YTHDC2: variants seen among roughly 807,000 people sequenced by gnomAD.
The protein encoded by YTHDC2 is 3'-5' RNA helicase YTHDC2.
Under a neutral mutation model 174.9 loss-of-function variants are expected in YTHDC2, and 45 were observed. That is an observed-to-expected ratio of 0.26 (90% CI 0.20 to 0.33). The LOEUF (loss-of-function observed/expected upper bound fraction) is 0.33. YTHDC2 is among the 10% of genes least tolerant of loss of function. The probability of loss-of-function intolerance (pLI) is 1.00; values close to 1 mark genes in which losing one functional copy is unlikely to be tolerated. For missense variants in YTHDC2, 1,650 were observed against 1,723.7 expected (o/e 0.96, Z 0.76); for synonymous variants, 657 against 574.5 (o/e 1.14, Z -2.05).
chr5:113,534,317 G>A lies in YTHDC2; in HGVS notation c.855G>A (p.Lys285=). The A allele has an allele frequency of 6.2e-7, 1 of 1,611,678 alleles. No homozygotes were observed. Residue 285 remains lysine (K), a synonymous_variant, in exon 6 of 30, where the codon AAG becomes AAA. Transcript: ENST00000161863. ...TTTTTTTTAAAAGGGTTTCTCCAAA[G>A]ACACTTCTGACATTTTGTACTAATG... ...QIRLESRVSP[K]TLLTFCTNGV...
intron 21 of YTHDC2, among the ~76,000 whole-genome samples, chr5:113,566,426 C>T (rs1777332280): frequency 6.8e-6 from 1 of 147,112 alleles, no homozygotes; most frequent in African/African-American, 2.5e-5. Context: ...ACAAAAACAG[C>T]TAGTAATACT....
chr5:113,554,035 A>T lies in YTHDC2; in HGVS notation c.2133+13A>T, dbSNP rs776576470. 6.6e-7 allele frequency: 1 copy of T among 1,507,632 alleles called. No individual in the cohort carries two copies. The highest frequency in any genetic ancestry group is 8.9e-7 in the Non-Finnish European group (1 of 1,127,964). The allele number at this position is 1,507,632 out of a possible 1,614,324, so 93.4% of individuals were successfully genotyped here. ...TAAGGTGAAAGAGGTATGTATGGGT[A>T]AGTTGTAGTTTTACTTAAATGAAGA... On this transcript the variant is annotated intron_variant, in intron 16 of 29. Coordinates refer to ENST00000161863, the MANE Select transcript of YTHDC2 (RefSeq NM_022828.5).
intron 23 of YTHDC2, among the ~76,000 whole-genome samples, chr5:113,568,222 A>G (rs1356889479): frequency 6.6e-6 from 1 of 152,108 alleles, no homozygotes; most frequent in Admixed American, 6.6e-5. Flanking sequence ...CTACATGTTT[A>G]CATATTTTAA....
At chr5:113,584,773 C>CTTTTTT (rs34217644) in intron 26 of YTHDC2, among the ~76,000 whole-genome samples, 15 of 95,720 alleles carry the variant, frequency 1.6e-4, no homozygotes, top group African/African-American at 4.4e-4. Context: ...CTTTCGAATC[C>CTTTTTT]TTTTTTTTTT....
intron 12 of YTHDC2, among the ~76,000 whole-genome samples, chr5:113,550,267 G>C (rs1240964465): frequency 1.3e-5 from 2 of 151,850 alleles, no homozygotes; most frequent in African/African-American, 4.8e-5. Flanking sequence ...TCTAGAGGGA[G>C]GTCTCTGTGG....
rs1773177017 is a variant in YTHDC2 at position 113,513,745 on chromosome 5, C to A, written c.-151C>A. The A allele has an allele frequency of 2.6e-6, 2 of 772,618 alleles. No homozygotes were observed. Among genetic ancestry groups the A allele is most frequent in the Non-Finnish European group, 3.9e-6 (2 of 513,950 alleles). 47.9% of individuals were successfully genotyped at this position (772,618 alleles called of 1,614,324 possible). ...GGCGCAGGCTTCACTTCTGCTGTGG[C>A]GGTGACTGAGGCCTTTCTGGTGACC... On this transcript the variant is annotated 5_prime_UTR_variant, in exon 1 of 30. Coordinates refer to ENST00000161863, the MANE Select transcript of YTHDC2 (RefSeq NM_022828.5).
chr5:113,594,746 A>G lies in YTHDC2; in HGVS notation c.*1272A>G, dbSNP rs181312217. The G allele has an allele frequency of 6.6e-6, 1 of 152,306 alleles. No individual in the cohort carries two copies. The highest frequency in any genetic ancestry group is 2.4e-5 in the African/African-American group (1 of 41,548). 9.4% of individuals were successfully genotyped at this position (152,306 alleles called of 1,614,324 possible). On this transcript the variant is annotated 3_prime_UTR_variant, in exon 30 of 30. Coordinates refer to ENST00000161863, the MANE Select transcript of YTHDC2 (RefSeq NM_022828.5). ...CTCATGATACATTTTAGTTATTCTT[A>G]TAAAAGCAAACAGGCAAACATGAGT...
chr5:113,565,538 G>C (rs1051594624), intron 20 of YTHDC2, among the ~76,000 whole-genome samples: 4 of 152,190 alleles, frequency 2.6e-5, no homozygotes, highest in African/African-American at 7.2e-5. Context: ...TGGAGGACAA[G>C]AGTGGCACGA....
chr5:113,577,732 C>G (rs911778723), intron 23 of YTHDC2, among the ~76,000 whole-genome samples: 1 of 151,966 alleles, frequency 6.6e-6, no homozygotes, highest in Non-Finnish European at 1.5e-5. Flanking sequence ...TTAGCCATAC[C>G]TTATTTTAAA....
chr5:113,592,961 C>T (rs969069084), intron 28 of YTHDC2: 4 of 168,046 alleles, frequency 2.4e-5, no homozygotes, highest in African/African-American at 9.5e-5. Context: ...TCACAGTAAA[C>T]CTTTGGAAGT....
intron 23 of YTHDC2, among the ~76,000 whole-genome samples, chr5:113,568,698 A>G (rs1307650482): frequency 6.6e-6 from 1 of 152,212 alleles, no homozygotes; most frequent in South Asian, 2.1e-4. Flanking sequence ...TGCAAAGGAC[A>G]TGATCTAATT....
chr5:113,545,670 G>C (rs1162790002), intron 10 of YTHDC2, among the ~76,000 whole-genome samples: 1 of 150,684 alleles, frequency 6.6e-6, no homozygotes, highest in Non-Finnish European at 1.5e-5. Flanking sequence ...TGGGATTACA[G>C]ACATGAGCCA....
At chr5:113,589,408 A>AAAAAATATATATATATATAT (rs368975720) in intron 26 of YTHDC2, among the ~76,000 whole-genome samples, 5 of 123,260 alleles carry the variant, frequency 4.1e-5, no homozygotes, top group African/African-American at 1.7e-4. Context: ...AAAAAAAAAA[A>AAAAAATATATATATATATAT]ATATATATAT....
At chr5:113,525,547 C>T (rs1193825387) in intron 3 of YTHDC2, among the ~76,000 whole-genome samples, 1 of 151,916 alleles carries the variant, frequency 6.6e-6, no homozygotes, top group African/African-American at 2.4e-5. Flanking sequence ...ATAATTCATT[C>T]GAGGACACCA....
Position 113,557,800 on chromosome 5 carries a change from A to C in YTHDC2, c.2216+1666A>C, listed in dbSNP as rs548745901. The stretch of plus-strand genomic sequence containing the variant: ...GAGCGACAGAGCCAGACACTGTCTC[A>C]AAAAAAATAAAATAACAAATAGTAT... On this transcript the variant is annotated intron_variant, in intron 17 of 29. Coordinates refer to ENST00000161863, the MANE Select transcript of YTHDC2 (RefSeq NM_022828.5). 2.6e-5 allele frequency among the ~76,000 whole-genome samples: 4 copies of C among 152,030 alleles called. No individual in the cohort carries two copies. In the South Asian group the frequency reaches 8.3e-4, roughly 32 times the overall value.
In YTHDC2 at chr5:113,541,094, G is replaced by A. The variant is rs376187788; in HGVS notation, c.1337G>A (p.Gly446Asp). The A allele has an allele frequency of 1.2e-6, 2 of 1,614,118 alleles. No individual in the cohort carries two copies. The highest frequency in any genetic ancestry group is 2.2e-5 in the East Asian group (1 of 44,876). The change falls in exon 9 of 30, where the codon GGT becomes GAT. Residue 446 changes from glycine to aspartate, a missense_variant. By Grantham distance (94) the Gly-to-Asp change is moderately conservative (BLOSUM62 -1). Transcript: ENST00000161863. ...TDEYDLLDDG[G>D]DAVFSQLTEK... Reference sequence around the variant, plus strand: ...GAGTATGACTTACTGGATGATGGTGGTGATGCTGTCTTCAGTCAGCTGGTA... The same window carrying A: ...GAGTATGACTTACTGGATGATGGTGATGATGCTGTCTTCAGTCAGCTGGTA...
intron 23 of YTHDC2, among the ~76,000 whole-genome samples, chr5:113,569,993 T>C (rs955490666): frequency 1.3e-5 from 2 of 152,218 alleles, no homozygotes; most frequent in Non-Finnish European, 2.9e-5. Flanking sequence ...CATTTGTTTA[T>C]GTCCTCTCTG....
Position 113,542,408 on chromosome 5 carries a change from A to C in YTHDC2, c.1400A>C (p.Lys467Thr). The C allele has an allele frequency of 6.2e-7, 1 of 1,612,782 alleles. No homozygotes were observed. Among genetic ancestry groups the C allele is most frequent in the Non-Finnish European group, 8.5e-7 (1 of 1,179,636 alleles). ...AATTGCCTTGAACCATGGTTAATAAAGGAAATGGATGCTTGCCTTTCTGAT... is the reference window on the plus strand; with the variant it reads ...AATTGCCTTGAACCATGGTTAATAACGGAAATGGATGCTTGCCTTTCTGAT... ...DVNCLEPWLI[K>T]EMDACLSDIW... is the part of the protein sequence containing the mutation. The change falls in exon 10 of 30, where the codon AAG (lysine) becomes ACG (threonine). Residue 467 changes from lysine (K) to threonine (T), a missense_variant. Coordinates refer to ENST00000161863, the MANE Select transcript of YTHDC2 (RefSeq NM_022828.5).
chr5:113,542,575 G>A lies in YTHDC2; in HGVS notation c.1495+72G>A, dbSNP rs538841623. The A allele has an allele frequency of 5.9e-5, 82 of 1,394,898 alleles. 1 individual carries two copies. In the African/African-American group the frequency reaches 7.2e-4, roughly 12 times the overall value. The allele number at this position is 1,394,898 out of a possible 1,614,324, so 86.4% of individuals were successfully genotyped here. A position where few individuals can be genotyped will look rare whatever the true frequency, so the allele number is the denominator to read the frequency against. On this transcript the variant is annotated intron_variant, in intron 10 of 29. Transcript: ENST00000161863. The stretch of plus-strand genomic sequence containing the variant: ...GTGGAAGTATAGTTTAATTCAAAAC[G>A]TATGTACTACCAATAATTGCACAAC...
Sources: allele counts gnomAD v4.1 joint callset (sites outside exome capture counted in the v4.1 genomes callset), GRCh38; gene constraint gnomAD v4.1.1; transcripts MANE v1.5; gene names NCBI Gene and HGNC (gene_info 2026-07-23, HGNC 2026-07-21).